The following PCDH15 variants were observed in gnomAD, a reference collection of about 807,000 sequenced individuals.
The protein encoded by PCDH15 is protocadherin related 15, also known as protocadherin-15.
In PCDH15, 129 loss-of-function variants were observed where a neutral mutation model predicts 178.5. The observed-to-expected ratio is 0.72, with a 90% confidence interval of 0.63 to 0.84. PCDH15 has a LOEUF of 0.84. Among genes scored for constraint, PCDH15 ranks in the 40% least tolerant of loss-of-function variants. The probability of loss-of-function intolerance (pLI) is 0.00; values close to 1 mark genes in which losing one functional copy is unlikely to be tolerated. For missense variants in PCDH15, 2,230 were observed against 2,099.9 expected (o/e 1.06, Z -1.21); for synonymous variants, 800 against 732.0 (o/e 1.09, Z -1.50).
chr10:53,917,534 A>G (rs2083625302), intron 25 of PCDH15, among the ~76,000 whole-genome samples: 1 of 152,208 alleles, frequency 6.6e-6, no homozygotes, highest in Non-Finnish European at 1.5e-5. Flanking sequence ...TAAGCACTTG[A>G]AAAGATACAT....
intron 28 of PCDH15, among the ~76,000 whole-genome samples, chr10:53,850,669 T>C (rs1321280453): frequency 6.6e-6 from 1 of 152,160 alleles, no homozygotes; most frequent in Non-Finnish European, 1.5e-5. Context: ...TAGTTTATTT[T>C]ATAGCTATTA....
intron 1 of PCDH15, among the ~76,000 whole-genome samples, chr10:55,298,965 A>G (rs1445455228): frequency 1.3e-5 from 2 of 152,164 alleles, no homozygotes; most frequent in East Asian, 3.9e-4. Flanking sequence ...AATGCCATGT[A>G]CCTAGAAGGT....
intron 3 of PCDH15, among the ~76,000 whole-genome samples, chr10:54,410,490 T>C (rs953385266): frequency 6.6e-6 from 1 of 152,176 alleles, no homozygotes; most frequent in Non-Finnish European, 1.5e-5. Flanking sequence ...TAGTTGGGAA[T>C]ATTCTAACAG....
At chr10:55,367,624 C>CA (rs537716010) in intron 2 of PCDH15, among the ~76,000 whole-genome samples, 1 of 151,146 alleles carries the variant, frequency 6.6e-6, no homozygotes, top group Non-Finnish European at 1.5e-5. Flanking sequence ...CAAAAACAAA[C>CA]AAAAAAAAGA....
At chr10:54,467,578 T>A (rs2077603086) in intron 3 of PCDH15, among the ~76,000 whole-genome samples, 1 of 151,188 alleles carries the variant, frequency 6.6e-6, no homozygotes, top group South Asian at 2.1e-4. Flanking sequence ...TGCATCTTTG[T>A]TCATCAAGGA....
At chr10:54,413,735 C>T (rs1953905263) in intron 3 of PCDH15, among the ~76,000 whole-genome samples, 1 of 152,124 alleles carries the variant, frequency 6.6e-6, no homozygotes, top group Admixed American at 6.5e-5. Context: ...ATTCCATAGT[C>T]TATGTCTGTC....
chr10:54,199,795 T>A (rs1279603108), intron 10 of PCDH15, among the ~76,000 whole-genome samples: 1 of 152,040 alleles, frequency 6.6e-6, no homozygotes, highest in Non-Finnish European at 1.5e-5. Context: ...TTTCATAAGG[T>A]AACCTTATTT....
intron 1 of PCDH15, among the ~76,000 whole-genome samples, chr10:54,709,093 A>G (rs1041896630): frequency 3.3e-5 from 5 of 152,140 alleles, no homozygotes; most frequent in Admixed American, 2.6e-4. Context: ...ACCACCACTG[A>G]TTATCTTCTT....
chr10:55,380,745 CATAAATA>C (rs1440540714), intron 2 of PCDH15, among the ~76,000 whole-genome samples: 2 of 152,118 alleles, frequency 1.3e-5, no homozygotes, highest in Non-Finnish European at 2.9e-5. Flanking sequence ...CCCACTACAC[CATAAATA>C]ATAAAGTTCT....
chr10:54,141,180 T>C (rs2043373959), intron 14 of PCDH15, among the ~76,000 whole-genome samples: 1 of 151,886 alleles, frequency 6.6e-6, no homozygotes, highest in Non-Finnish European at 1.5e-5. Flanking sequence ...GTTCTATGAA[T>C]AGTCATTTTG....
chr10:54,268,686 G>T lies in PCDH15; in HGVS notation c.877-31755C>A, dbSNP rs553155781. ...AGAAAAATCTTTAAGATATGTCACT[G>T]CTTCTTATCAATAATAATGTTCTAG... On this transcript the variant is annotated intron_variant, in intron 8 of 37. Coordinates refer to ENST00000644397, the MANE Select transcript of PCDH15 (RefSeq NM_001384140.1). 5.6e-4 allele frequency among the ~76,000 whole-genome samples: 85 copies of T among 151,924 alleles called. 1 individual carries two copies. Among genetic ancestry groups the T allele is most frequent in the Non-Finnish European group, 1.1e-3 (74 of 67,806 alleles).
chr10:55,482,386 A>G (rs1168795474), intron 2 of PCDH15, among the ~76,000 whole-genome samples: 1 of 151,668 alleles, frequency 6.6e-6, no homozygotes, highest in Non-Finnish European at 1.5e-5. Flanking sequence ...TATCTTGCAG[A>G]CTTGTTTTCA....
intron 2 of PCDH15, among the ~76,000 whole-genome samples, chr10:55,614,594 G>A (rs1843438013): frequency 6.6e-6 from 1 of 152,138 alleles, no homozygotes; most frequent in African/African-American, 2.4e-5. Context: ...CCTTCCTTCT[G>A]AAGGTGATTT....
At chr10:54,821,440 T>C (rs1317394395) in intron 3 of PCDH15, among the ~76,000 whole-genome samples, 3 of 151,934 alleles carry the variant, frequency 2.0e-5, no homozygotes, top group Non-Finnish European at 4.4e-5. Context: ...AAATGTAAAA[T>C]TAGAAGTAAA....
At chr10:54,321,406 G>T (rs2061595691) in intron 7 of PCDH15, among the ~76,000 whole-genome samples, 1 of 150,138 alleles carries the variant, frequency 6.7e-6, no homozygotes, top group South Asian at 2.1e-4. Flanking sequence ...ATAGTAAATA[G>T]ATAATAAATA....
chr10:54,020,092 A>T, intron 20 of PCDH15, 100 bp downstream of exon 20: 2 of 998,044 alleles, frequency 2.0e-6, no homozygotes, highest in South Asian at 1.3e-5. Context: ...CTGTGTCATT[A>T]GGAATTGTTA....
chr10:54,085,976 A>T (rs1042770933), intron 16 of PCDH15, among the ~76,000 whole-genome samples: 2 of 152,228 alleles, frequency 1.3e-5, no homozygotes, highest in Admixed American at 1.3e-4. Flanking sequence ...AAGATATAAA[A>T]TATAACCCAA....
At chr10:54,811,440 G>A (rs1298294170) in intron 3 of PCDH15, among the ~76,000 whole-genome samples, 1 of 151,876 alleles carries the variant, frequency 6.6e-6, no homozygotes, top group Non-Finnish European at 1.5e-5. Context: ...TACAACCATC[G>A]CTAATTCAGT....
chr10:55,075,313 GT>G (rs1472607399), intron 2 of PCDH15, among the ~76,000 whole-genome samples: 1 of 149,066 alleles, frequency 6.7e-6, no homozygotes, highest in Non-Finnish European at 1.5e-5. Flanking sequence ...GTTTATTTGA[GT>G]TTTGTCTCTT....
Sources: gnomAD v4.1 joint callset for allele counts (sites outside exome capture counted in the v4.1 genomes callset) on GRCh38, gnomAD v4.1.1 for gene constraint, MANE v1.5 for transcripts, NCBI Gene and HGNC (gene_info 2026-07-23, HGNC 2026-07-21) for gene names.